The following ADAMTS18 variants were observed in gnomAD, a reference collection of about 807,000 sequenced individuals.
ADAMTS18 encodes ADAM metallopeptidase with thrombospondin type 1 motif 18.
ADAMTS18 carries 157 observed loss-of-function variants against 165.9 expected under a neutral mutation model. The observed-to-expected ratio is 0.95, with a 90% confidence interval of 0.83 to 1.08. The LOEUF is 1.08. ADAMTS18 is among the 50% of genes least tolerant of loss of function. The pLI is 0.00. For synonymous variants in ADAMTS18, 782 were observed against 578.2 expected (o/e 1.35, Z -5.06); for missense variants, 2,040 against 1,534.0 (o/e 1.33, Z -5.51).
intron 19 of ADAMTS18, among the ~76,000 whole-genome samples, 200 bp from the exon 20 acceptor site, chr16:77,293,458 C>G (rs13330397): frequency 6.6e-6 from 1 of 151,910 alleles, no homozygotes; most frequent in Non-Finnish European, 1.5e-5. Context: ...TATTTGAATT[C>G]TTTCTGTAAA....
chr16:77,327,812 T>C (rs2056121607), intron 12 of ADAMTS18, among the ~76,000 whole-genome samples: 1 of 152,182 alleles, frequency 6.6e-6, no homozygotes, highest in African/African-American at 2.4e-5. Flanking sequence ...CATTTCCTAA[T>C]ACTCTCAGTA....
chr16:77,420,851 A>C (rs1411967526), intron 3 of ADAMTS18, among the ~76,000 whole-genome samples: 2 of 152,220 alleles, frequency 1.3e-5, no homozygotes, highest in Non-Finnish European at 2.9e-5. Flanking sequence ...TTTGAGTAAC[A>C]CTTCATTTAC....
chr16:77,372,782 A>G (rs2056894900), intron 3 of ADAMTS18, among the ~76,000 whole-genome samples: 1 of 152,108 alleles, frequency 6.6e-6, no homozygotes, highest in African/African-American at 2.4e-5. Context: ...ATGCTGGTAG[A>G]TGCTCGCGTC....
intron 3 of ADAMTS18, among the ~76,000 whole-genome samples, chr16:77,394,029 G>A (rs1250024312): frequency 2.6e-5 from 4 of 152,174 alleles, no homozygotes; most frequent in Non-Finnish European, 5.9e-5. Flanking sequence ...AAGTTAACAG[G>A]GCATTACATG....
chr16:77,326,623 T>A (rs767563178), intron 12 of ADAMTS18, among the ~76,000 whole-genome samples: 20 of 152,214 alleles, frequency 1.3e-4, no homozygotes, highest in Non-Finnish European at 2.5e-4. Flanking sequence ...GTTCAAGTGA[T>A]CCACCCCCAT....
intron 3 of ADAMTS18, among the ~76,000 whole-genome samples, chr16:77,406,008 T>C (rs4888627): frequency 6.6e-6 from 1 of 152,016 alleles, no homozygotes; most frequent in Non-Finnish European, 1.5e-5. Context: ...AAAATCCACA[T>C]TTTTCAATTC....
chr16:77,309,035 C>T (rs576457227), intron 16 of ADAMTS18, among the ~76,000 whole-genome samples: 2 of 152,274 alleles, frequency 1.3e-5, no homozygotes, highest in Admixed American at 6.5e-5. Context: ...GGATGACTAA[C>T]AAGTACACTA....
At chr16:77,384,161 C>A (rs1023158332) in intron 3 of ADAMTS18, among the ~76,000 whole-genome samples, 1 of 152,050 alleles carries the variant, frequency 6.6e-6, no homozygotes, top group African/African-American at 2.4e-5. Context: ...AAAAATAAAG[C>A]AATATGTATG....
intron 11 of ADAMTS18, among the ~76,000 whole-genome samples, chr16:77,336,789 G>T (rs545150742): frequency 0.01 from 1,522 of 152,058 alleles, 26 homozygotes; most frequent in African/African-American, 0.035. Context: ...TTTATTTTTT[G>T]TTTTTGTTGC....
At chr16:77,378,425 TA>T (rs2056984660) in intron 3 of ADAMTS18, among the ~76,000 whole-genome samples, 2 of 151,748 alleles carry the variant, frequency 1.3e-5, no homozygotes, top group South Asian at 4.2e-4. Flanking sequence ...TTTAATGTGC[TA>T]AAAACAGGCT....
intron 3 of ADAMTS18, among the ~76,000 whole-genome samples, chr16:77,400,715 T>C (rs1449054390): frequency 1.3e-5 from 2 of 151,622 alleles, no homozygotes; most frequent in African/African-American, 2.4e-5. Context: ...GTGATCCGCC[T>C]GCCTCGGCCT....
chr16:77,328,552 C>G (rs2056134697), intron 12 of ADAMTS18, among the ~76,000 whole-genome samples: 1 of 152,160 alleles, frequency 6.6e-6, no homozygotes, highest in Admixed American at 6.6e-5. Flanking sequence ...TCTGGAGCAA[C>G]TACTTAAACA....
intron 3 of ADAMTS18, among the ~76,000 whole-genome samples, chr16:77,406,069 C>G (rs2057389763): frequency 6.6e-6 from 1 of 152,082 alleles, no homozygotes; most frequent in Non-Finnish European, 1.5e-5. Context: ...AAGGGTACAA[C>G]AGTAAAATTA....
At chr16:77,310,413 T>G (rs2055758844) in intron 16 of ADAMTS18, among the ~76,000 whole-genome samples, 1 of 152,178 alleles carries the variant, frequency 6.6e-6, no homozygotes, top group Non-Finnish European at 1.5e-5. Flanking sequence ...AAATCATTTC[T>G]GAAATGAGGA....
intron 3 of ADAMTS18, among the ~76,000 whole-genome samples, chr16:77,379,633 T>C (rs1432592469): frequency 1.3e-5 from 2 of 152,072 alleles, no homozygotes; most frequent in African/African-American, 2.4e-5. Context: ...GAACTACAGG[T>C]GCGTGCCACC....
At chr16:77,300,692 A>T (rs1306872072) in intron 16 of ADAMTS18, among the ~76,000 whole-genome samples, 1 of 152,164 alleles carries the variant, frequency 6.6e-6, no homozygotes, top group Non-Finnish European at 1.5e-5. Context: ...ACATACACAC[A>T]CACACTCACA....
At chr16:77,319,720 G>A in intron 16 of ADAMTS18, 129 bp downstream of exon 16, 1 of 1,480,276 alleles carries the variant, frequency 6.8e-7, no homozygotes, top group Non-Finnish European at 9.3e-7. Context: ...TGGGATTACA[G>A]GCATGAGCCA....
At chr16:77,341,345 C>A (rs1343529098) in intron 11 of ADAMTS18, among the ~76,000 whole-genome samples, 3 of 152,248 alleles carry the variant, frequency 2.0e-5, no homozygotes, top group African/African-American at 7.2e-5. Flanking sequence ...TCTGGAGGGA[C>A]AGTCATTTCT....
At chr16:77,290,585 T>G (rs2055343248) in intron 21 of ADAMTS18, 1 of 155,188 alleles carries the variant, frequency 6.4e-6, no homozygotes, top group African/African-American at 2.4e-5. Context: ...CTACCCGGAC[T>G]CTGTGATTAA....
Sources: gnomAD v4.1 joint callset for allele counts (sites outside exome capture counted in the v4.1 genomes callset) on GRCh38, gnomAD v4.1.1 for gene constraint, MANE v1.5 for transcripts, NCBI Gene and HGNC (gene_info 2026-07-23, HGNC 2026-07-21) for gene names.